MACF1: variants seen among roughly 807,000 people sequenced by gnomAD.
MACF1 encodes the protein microtubule-actin cross-linking factor 1.
Under a neutral mutation model 854.8 loss-of-function variants are expected in MACF1, and 193 were observed. That is an observed-to-expected ratio of 0.23 (90% CI 0.20 to 0.25). The LOEUF is 0.25. MACF1 is among the 10% of genes least tolerant of loss of function. The pLI, the probability that MACF1 is intolerant of heterozygous loss-of-function variation, is 1.00. For synonymous variants in MACF1, 3,185 were observed against 3,226.7 expected, an observed-to-expected ratio of 0.99 and a Z score of 0.44; for missense variants, 7,722 against 8,929.1, an observed-to-expected ratio of 0.86 and a Z score of 5.45.
intron 2 of MACF1, among the ~76,000 whole-genome samples, chr1:39,174,765 C>G (rs1644002519): frequency 6.6e-6 from 1 of 152,150 alleles, no homozygotes; most frequent in Non-Finnish European, 1.5e-5. Flanking sequence ...AGAGAAAGGG[C>G]CCCTGATCCT....
At chr1:39,423,853 A>G (rs1643636540) in intron 60 of MACF1, among the ~76,000 whole-genome samples, 175 bp from the exon 61 acceptor site, 1 of 151,918 alleles carries the variant, frequency 6.6e-6, no homozygotes, top group African/African-American at 2.4e-5. Flanking sequence ...TGAAAAGTAT[A>G]CGAGTGGTGA....
chr1:39,432,233 AGT>A (rs1365578693), intron 66 of MACF1, among the ~76,000 whole-genome samples: 1 of 152,212 alleles, frequency 6.6e-6, no homozygotes, highest in Non-Finnish European at 1.5e-5. Flanking sequence ...TGGCAGGAAG[AGT>A]GTAGTCTCAT....
rs201601385 is a variant in MACF1, at chr1:39,310,913, G to A, written c.3183G>A (p.Arg1061=). The change falls in exon 26 of 101, where the codon AGG becomes AGA. Residue 1061 remains arginine (R), a synonymous_variant. Transcript: ENST00000564288. The part of the protein sequence containing the change: ...IRLRLEEYEQ[R]VVKRIQSLAS... ...TACGCCTGGAGGAGTATGAACAGAG[G>A]GTGGTCAAACGAATTCAGTCTCTAG... 9.9e-6 allele frequency: 16 copies of A among 1,614,056 alleles called. No individual in the cohort carries two copies. Among genetic ancestry groups the A allele is most frequent in the African/African-American group, 1.3e-5 (1 of 74,934 alleles).
chr1:39,096,955 C>T (rs112566467), intron 2 of MACF1, among the ~76,000 whole-genome samples: 24,453 of 149,092 alleles, frequency 0.16, 2,523 homozygotes, highest in Middle Eastern at 0.24. Flanking sequence ...CGGCTCACTG[C>T]AACCTCTGCC....
intron 2 of MACF1, among the ~76,000 whole-genome samples, chr1:39,233,555 T>C (rs899970005): frequency 1.3e-5 from 2 of 152,096 alleles, no homozygotes; most frequent in African/African-American, 4.8e-5. Flanking sequence ...CAATTGTCCA[T>C]CTATAGTTCA....
intron 2 of MACF1, among the ~76,000 whole-genome samples, chr1:39,090,924 A>G (rs1571025851): frequency 6.6e-6 from 1 of 152,176 alleles, no homozygotes; most frequent in Non-Finnish European, 1.5e-5. Flanking sequence ...TGCTGTGGCT[A>G]GGGCCTGCCA....
intron 97 of MACF1, among the ~76,000 whole-genome samples, chr1:39,477,304 A>G (rs1339621214): frequency 4.6e-5 from 7 of 151,826 alleles, no homozygotes; most frequent in Non-Finnish European, 1.0e-4. Flanking sequence ...AGCTCACTGC[A>G]GCCTTGACTT....
chr1:39,130,376 A>G (rs1158874704), intron 2 of MACF1, among the ~76,000 whole-genome samples: 1 of 152,230 alleles, frequency 6.6e-6, no homozygotes, highest in African/African-American at 2.4e-5. Flanking sequence ...TAGTCACATT[A>G]AACATTGAAA....
At chr1:39,300,605 G>C (rs1040694546) in intron 22 of MACF1, among the ~76,000 whole-genome samples, 7 of 151,910 alleles carry the variant, frequency 4.6e-5, no homozygotes, top group African/African-American at 1.7e-4. Flanking sequence ...CCTAAGTGTT[G>C]ACAGAGATGG....
chr1:39,246,128 G>A (rs1027898634), intron 2 of MACF1, among the ~76,000 whole-genome samples: 3 of 151,870 alleles, frequency 2.0e-5, no homozygotes, highest in African/African-American at 7.3e-5. Flanking sequence ...TTTTTCTTCT[G>A]TCCTTTGTTG....
intron 94 of MACF1, chr1:39,464,709 T>G (rs1412757419): frequency 9.7e-6 from 2 of 207,058 alleles, no homozygotes; most frequent in African/African-American, 4.7e-5. Context: ...AGGTCAGGAA[T>G]TCGAGACCAA....
intron 48 of MACF1, among the ~76,000 whole-genome samples, 155 bp downstream of exon 48, chr1:39,361,156 C>G (rs1648154862): frequency 1.3e-5 from 2 of 152,042 alleles, no homozygotes; most frequent in African/African-American, 4.8e-5. Context: ...ATATTTCTAC[C>G]CAGTTGAGCT....
chr1:39,379,868 T>G (rs1264021340), intron 54 of MACF1, among the ~76,000 whole-genome samples: 1 of 152,198 alleles, frequency 6.6e-6, no homozygotes, highest in Non-Finnish European at 1.5e-5. Flanking sequence ...TCAGAAGATA[T>G]AAGACCACAG....
chr1:39,485,602 C>T lies in MACF1; in HGVS notation c.22476C>T (p.Ser7492=), dbSNP rs1557679421. 6.2e-7 allele frequency: 1 copy of T among 1,614,080 alleles called. No individual in the cohort carries two copies. Among genetic ancestry groups the T allele is most frequent in the East Asian group, 2.2e-5 (1 of 44,888 alleles). Residue 7492 remains serine (S), a synonymous_variant, in exon 101 of 101, where the codon AGC becomes AGT. Transcript: ENST00000564288. ...GGAGTCGAGCCGGGAGTCGAGCCAG[C>T]AGCCGGCGAGGAAGTGACGCTTCTG... ...RAGSRAGSRA[S]SRRGSDASDF...
intron 99 of MACF1, among the ~76,000 whole-genome samples, chr1:39,483,601 C>G (rs1645055182): frequency 6.6e-6 from 1 of 152,076 alleles, no homozygotes; most frequent in African/African-American, 2.4e-5. Flanking sequence ...GAAATGAAGT[C>G]AAAGAGGCAG....
At position 39,310,890 on chromosome 1, in the gene MACF1, C is replaced by T. The variant is rs769675414; in HGVS notation, c.3160C>T (p.Arg1054Cys). Residue 1054 changes from arginine to cysteine, a missense_variant, in exon 26 of 101, where the codon CGC becomes TGC. Physicochemically the swap from Arg to Cys is radical, Grantham distance 180 (BLOSUM62 -3). This residue lies in a region of MACF1 where 1,137 missense variants were observed against 1,263.0 expected (regional missense o/e 0.90). Transcript: ENST00000564288. Reference sequence around the variant, plus strand: ...TTCAGAGTTGAAGAACATCCGGCTACGCCTGGAGGAGTATGAACAGAGGGT... The same window carrying T: ...TTCAGAGTTGAAGAACATCCGGCTATGCCTGGAGGAGTATGAACAGAGGGT... ...YISELKNIRL[R>C]LEEYEQRVVK... 2.5e-5 allele frequency: 40 copies of T among 1,614,008 alleles called. No individual in the cohort carries two copies. The highest frequency in any genetic ancestry group is 4.4e-5 in the South Asian group (4 of 91,082).
At chr1:39,485,488 C>T (rs1243406541) in intron 100 of MACF1, 50 bp from the exon 101 acceptor site, 11 of 1,520,730 alleles carry the variant, frequency 7.2e-6, no homozygotes, top group South Asian at 1.2e-5. Context: ...ACTTGTTCTT[C>T]CACCCCATGC....
chr1:39,084,332 C>T lies in MACF1; in HGVS notation c.114C>T (p.Pro38=). Residue 38 remains proline (P), a synonymous_variant, in exon 2 of 94, where the codon CCC becomes CCT. Coordinates refer to the MACF1 transcript ENST00000361689. The surrounding 1 kb of genome is among the most constrained non-coding windows in gnomAD (Gnocchi z 5.2). ...GGTCGGGGAGCCTGTCTCCCTGTCC[C>T]CCAGGGGACACCTTGCCCTGGAACC... 17 of 1,614,070 alleles carry T rather than the reference C, an allele frequency of 1.1e-5. No individual in the cohort carries two copies. Among genetic ancestry groups the T allele is most frequent in the East Asian group, 2.2e-5 (1 of 44,878 alleles).
chr1:39,436,856 CAGAAAAGTGGGAAGGTAATAATTCTTCA>C (rs1341311981), intron 70 of MACF1, among the ~76,000 whole-genome samples: 5 of 152,152 alleles, frequency 3.3e-5, no homozygotes, highest in African/African-American at 1.2e-4. Flanking sequence ...TTCAAAGTAA[CAGAAAAGTGGGAAGGTAATAATTCTTCA>C]AGAATAAGGT....
Sources: allele counts gnomAD v4.1 joint callset (sites outside exome capture counted in the v4.1 genomes callset), GRCh38; gene constraint gnomAD v4.1.1; regional missense constraint gnomAD v4.1.1; non-coding constraint Gnocchi (gnomAD v3.1); transcripts MANE v1.5; gene names NCBI Gene and HGNC (gene_info 2026-07-23, HGNC 2026-07-21).